Variants in LHFPL2 observed in about 807,000 individuals in gnomAD.
The protein encoded by LHFPL2 is LHFPL tetraspan subfamily member 2.
LHFPL2 carries 7 observed loss-of-function variants against 17.5 expected under a neutral mutation model. The ratio of observed to expected loss-of-function variants is 0.40; its 90% CI spans 0.23 to 0.75. The LOEUF (loss-of-function observed/expected upper bound fraction) is 0.75, where lower values mean the gene tolerates loss of function less well. LHFPL2 is among the 30% of genes least tolerant of loss of function. The probability of loss-of-function intolerance (pLI) is 0.37; values close to 1 mark genes in which losing one functional copy is unlikely to be tolerated. For synonymous variants in LHFPL2, 134 were observed against 116.2 expected (o/e 1.15, Z -0.99); for missense variants, 241 against 294.8 (o/e 0.82, Z 1.34).
At position 78,638,984 on chromosome 5, in the gene LHFPL2, A is replaced by G. The variant is rs556859472; in HGVS notation, c.-349-6616T>C. ...TTAAGTTTTTAAAATTTTTTAAAAC[A>G]TTCAAGTTTTGTTGACCAATATGGA... On this transcript the variant is annotated intron_variant, in intron 1 of 4. Transcript: ENST00000380345. 4.6e-5 allele frequency among the ~76,000 whole-genome samples: 7 copies of G among 152,370 alleles called. No homozygotes were observed. In the East Asian group the frequency reaches 1.3e-3, roughly 29 times the overall value.
chr5:78,532,204 G>A (rs7705980), intron 3 of LHFPL2, among the ~76,000 whole-genome samples: 56,183 of 151,954 alleles, frequency 0.37, 11,049 homozygotes, highest in Middle Eastern at 0.46. Context: ...GATTACAGGT[G>A]TGAGCCACTG....
intron 3 of LHFPL2, among the ~76,000 whole-genome samples, chr5:78,519,206 A>G (rs1226982167): frequency 6.6e-6 from 1 of 151,970 alleles, no homozygotes; most frequent in African/African-American, 2.4e-5. Context: ...CACAGAAGAA[A>G]AACTAGACTG....
intron 3 of LHFPL2, among the ~76,000 whole-genome samples, chr5:78,547,837 G>T (rs1347451352): frequency 1.3e-5 from 2 of 152,248 alleles, no homozygotes; most frequent in South Asian, 4.1e-4. Context: ...GAGGTACAGG[G>T]GGCCTGTTCA....
chr5:78,589,596 G>T (rs1206512947), intron 2 of LHFPL2, among the ~76,000 whole-genome samples: 1 of 152,110 alleles, frequency 6.6e-6, no homozygotes, highest in East Asian at 1.9e-4. Context: ...ACTCTTGCCC[G>T]CCTTTCCCTG....
At chr5:78,606,353 G>A (rs535599953) in intron 2 of LHFPL2, among the ~76,000 whole-genome samples, 2 of 152,286 alleles carry the variant, frequency 1.3e-5, no homozygotes, top group African/African-American at 4.8e-5. Flanking sequence ...GAGTTACTGT[G>A]CTCAGTGCTA....
rs1024229791 is a variant in LHFPL2 at position 78,487,773 on chromosome 5, G to A, written c.*1124C>T. 3 of 152,194 alleles carry A rather than the reference G, an allele frequency of 2.0e-5. No homozygotes were observed. Among genetic ancestry groups the A allele is most frequent in the South Asian group, 2.1e-4 (1 of 4,830 alleles). 9.4% of individuals were successfully genotyped at this position (152,194 alleles called of 1,614,324 possible). A position where few individuals can be genotyped will look rare whatever the true frequency, so the allele number is the denominator to read the frequency against. ...TCCTCTGTGCTTTCCTGGAATTAAGGTCTTGGCTGCAGTTCTTCAGTTGCA... is the reference window on the plus strand; with the variant it reads ...TCCTCTGTGCTTTCCTGGAATTAAGATCTTGGCTGCAGTTCTTCAGTTGCA... On this transcript the variant is annotated 3_prime_UTR_variant, in exon 5 of 5. Transcript: ENST00000380345.
At chr5:78,517,594 T>C (rs1022157383) in intron 3 of LHFPL2, among the ~76,000 whole-genome samples, 1 of 152,198 alleles carries the variant, frequency 6.6e-6, no homozygotes, top group African/African-American at 2.4e-5. Flanking sequence ...ACACCTTACA[T>C]GGCAGCAGGC....
intron 2 of LHFPL2, among the ~76,000 whole-genome samples, chr5:78,599,763 C>G (rs1743947479): frequency 6.6e-6 from 1 of 152,186 alleles, no homozygotes; most frequent in South Asian, 2.1e-4. Flanking sequence ...CAGATAATGG[C>G]AGACAATGGG....
intron 2 of LHFPL2, among the ~76,000 whole-genome samples, chr5:78,607,461 GAAT>G (rs1488271828): frequency 6.6e-6 from 1 of 152,148 alleles, no homozygotes; most frequent in Non-Finnish European, 1.5e-5. Context: ...ATTCTGACAT[GAAT>G]AAAAGACATT....
At chr5:78,502,032 C>T (rs1754791450) in intron 4 of LHFPL2, among the ~76,000 whole-genome samples, 1 of 152,018 alleles carries the variant, frequency 6.6e-6, no homozygotes, top group Non-Finnish European at 1.5e-5. Context: ...AATGCTTTTG[C>T]TGTTTCCCCA....
chr5:78,523,170 C>T (rs76080152), intron 3 of LHFPL2, among the ~76,000 whole-genome samples: 1,645 of 151,338 alleles, frequency 0.011, 27 homozygotes, highest in African/African-American at 0.036. Context: ...AATGAAGGGG[C>T]GAGTGATTTT....
At chr5:78,524,388 G>A (rs779269994) in intron 3 of LHFPL2, among the ~76,000 whole-genome samples, 4 of 152,180 alleles carry the variant, frequency 2.6e-5, no homozygotes, top group Admixed American at 6.5e-5. Context: ...AATGTCTGGC[G>A]TAATTATTCA....
rs1376963097 is a variant in LHFPL2, at chr5:78,648,124, C to A, written c.-350+375G>T. Among the ~76,000 whole-genome samples the A allele has an allele frequency of 6.6e-6, 1 of 152,160 alleles. No individual in the cohort carries two copies. The highest frequency in any genetic ancestry group is 6.5e-5 in the Admixed American group (1 of 15,286). Reference sequence around the variant, plus strand: ...TGCCAGGCGCGCTGGAACCCGGCGCCCAGCTGCGCCTGGGACCCACGCGCC... The same window carrying A: ...TGCCAGGCGCGCTGGAACCCGGCGCACAGCTGCGCCTGGGACCCACGCGCC... On this transcript the variant is annotated intron_variant, in intron 1 of 4. Transcript: ENST00000380345. The surrounding 1 kb of genome is among the most constrained non-coding windows in gnomAD (Gnocchi z 5.4).
chr5:78,584,505 A>G (rs1263665118), intron 2 of LHFPL2, among the ~76,000 whole-genome samples: 2 of 152,160 alleles, frequency 1.3e-5, no homozygotes, highest in Admixed American at 1.3e-4. Context: ...TCTAACAGAC[A>G]GGACCCTCAG....
At chr5:78,562,512 G>A (rs1485188042) in intron 3 of LHFPL2, among the ~76,000 whole-genome samples, 2 of 152,094 alleles carry the variant, frequency 1.3e-5, no homozygotes, top group South Asian at 2.1e-4. Context: ...GCAGATGCCT[G>A]TAATCCCAGC....
At chr5:78,597,000 A>G (rs1354168855) in intron 2 of LHFPL2, among the ~76,000 whole-genome samples, 2 of 152,240 alleles carry the variant, frequency 1.3e-5, no homozygotes, top group African/African-American at 4.8e-5. Context: ...GCAAAGTAAT[A>G]TTTAACACAC....
At chr5:78,581,048 G>GT (rs887929970) in intron 2 of LHFPL2, among the ~76,000 whole-genome samples, 2 of 152,030 alleles carry the variant, frequency 1.3e-5, no homozygotes, top group Non-Finnish European at 2.9e-5. Context: ...AGTTCTCCTT[G>GT]AAGAGGTCCT....
intron 2 of LHFPL2, among the ~76,000 whole-genome samples, chr5:78,582,680 G>T (rs1002021219): frequency 1.4e-4 from 21 of 152,134 alleles, no homozygotes; most frequent in African/African-American, 5.1e-4. Flanking sequence ...TTCTTTTACA[G>T]TTGCTGAGGA....
chr5:78,518,193 T>C (rs551630005), intron 3 of LHFPL2, among the ~76,000 whole-genome samples: 1 of 152,372 alleles, frequency 6.6e-6, no homozygotes, highest in South Asian at 2.1e-4. Flanking sequence ...AAGTTTATAA[T>C]GAATTCTGTG....
Sources: gnomAD v4.1 joint callset for allele counts (sites outside exome capture counted in the v4.1 genomes callset) on GRCh38, gnomAD v4.1.1 for gene constraint, Gnocchi (gnomAD v3.1) non-coding constraint, MANE v1.5 for transcripts, NCBI Gene and HGNC (gene_info 2026-07-23, HGNC 2026-07-21) for gene names.